TMPRSS9: variants seen among roughly 807,000 people sequenced by gnomAD.
The protein encoded by TMPRSS9 is transmembrane serine protease 9.
A neutral mutation model predicts 111.4 loss-of-function variants in TMPRSS9; 113 were observed. That is an observed-to-expected ratio of 1.01 (90% confidence interval 0.87 to 1.19). TMPRSS9 has a LOEUF of 1.19. Ranked by LOEUF, TMPRSS9 falls within the 50% of genes most tolerant of loss-of-function variation. The pLI is 0.00. For synonymous variants in TMPRSS9, 805 were observed against 659.1 expected (o/e 1.22, Z -3.39); for missense variants, 1,803 against 1,513.1 (o/e 1.19, Z -3.18).
intron 13 of TMPRSS9, among the ~76,000 whole-genome samples, chr19:2,420,639 C>T (rs1319138251): frequency 6.6e-6 from 1 of 152,142 alleles, no homozygotes; most frequent in Non-Finnish European, 1.5e-5. Context: ...GAGTTCAAAT[C>T]CTGCTTCAAC....
chr19:2,404,683 C>T (rs1970931314), intron 6 of TMPRSS9, among the ~76,000 whole-genome samples: 1 of 152,134 alleles, frequency 6.6e-6, no homozygotes, highest in Non-Finnish European at 1.5e-5. Flanking sequence ...GTAATCCCAG[C>T]ACTTTGGGAC....
chr19:2,424,896 C>G, intron 15 of TMPRSS9, 106 bp from the exon 17 acceptor site: 1 of 1,314,982 alleles, frequency 7.6e-7, no homozygotes, highest in Non-Finnish European at 9.8e-7. Context: ...GACCAAGAGG[C>G]CAATAACCCT....
chr19:2,369,194 A>G (rs116821623), intron 1 of TMPRSS9, among the ~76,000 whole-genome samples: 2,210 of 151,784 alleles, frequency 0.015, 55 homozygotes, highest in African/African-American at 0.049. Context: ...CAGGTGATCC[A>G]CCCATCTCCC....
intron 1 of TMPRSS9, among the ~76,000 whole-genome samples, chr19:2,368,816 A>C (rs1599274275): frequency 2.3e-5 from 2 of 86,004 alleles, no homozygotes; most frequent in Admixed American, 1.5e-4. Context: ...ACAGAGTCTC[A>C]CTCTGTCGCC....
At chr19:2,369,094 G>A (rs1331072357) in intron 1 of TMPRSS9, among the ~76,000 whole-genome samples, 1 of 151,668 alleles carries the variant, frequency 6.6e-6, no homozygotes, top group African/African-American at 2.4e-5. Flanking sequence ...TGGGATTACA[G>A]GCGCCCACCA....
intron 2 of TMPRSS9, 140 bp downstream of exon 3, chr19:2,396,806 GC>G: frequency 7.8e-7 from 1 of 1,279,868 alleles, no homozygotes; most frequent in Non-Finnish European, 1.1e-6. Flanking sequence ...GGGAGGCCAG[GC>G]CAGGGGGCGG....
At chr19:2,419,501 C>T (rs1288285641) in intron 13 of TMPRSS9, among the ~76,000 whole-genome samples, 3 of 146,198 alleles carry the variant, frequency 2.1e-5, no homozygotes, top group African/African-American at 5.3e-5. Flanking sequence ...TGTACCCAGC[C>T]TAGATTTCTT....
chr19:2,363,099 G>A (rs1970215100), intron 1 of TMPRSS9, among the ~76,000 whole-genome samples: 1 of 152,192 alleles, frequency 6.6e-6, no homozygotes. Context: ...CCTGCCACGC[G>A]GAATGGGAGT....
At chr19:2,397,007 G>A (rs538118065) in intron 2 of TMPRSS9, among the ~76,000 whole-genome samples, 7 of 151,498 alleles carry the variant, frequency 4.6e-5, no homozygotes, top group Admixed American at 1.3e-4. Context: ...TGCAAGCTCC[G>A]CTGCTCAGGT....
chr19:2,401,078 T>G (rs893007219), intron 4 of TMPRSS9, among the ~76,000 whole-genome samples: 18 of 145,016 alleles, frequency 1.2e-4, no homozygotes, highest in African/African-American at 4.6e-4. Flanking sequence ...ATCGAGACCA[T>G]CCTGGCTAAC....
At chr19:2,376,574 C>T (rs1043012810) in intron 1 of TMPRSS9, among the ~76,000 whole-genome samples, 5 of 152,102 alleles carry the variant, frequency 3.3e-5, no homozygotes, top group Non-Finnish European at 7.4e-5. Context: ...ATTCTTCTGC[C>T]TCAGCCTCTC....
At chr19:2,409,793 T>C (rs905366143) in intron 8 of TMPRSS9, among the ~76,000 whole-genome samples, 2 of 152,044 alleles carry the variant, frequency 1.3e-5, no homozygotes, top group African/African-American at 4.8e-5. Context: ...TGGTGCTGGC[T>C]GCCGGGTTGG....
At chr19:2,379,615 C>CTCCTTCTTTCTTTCTTTCTT (rs1970365963) in intron 1 of TMPRSS9, among the ~76,000 whole-genome samples, 1 of 118,510 alleles carries the variant, frequency 8.4e-6, no homozygotes, top group African/African-American at 3.2e-5. Context: ...AACTTTCTTT[C>CTCCTTCTTTCTTTCTTTCTT]TCTTTCTTTC....
intron 13 of TMPRSS9, among the ~76,000 whole-genome samples, chr19:2,419,359 A>G (rs1971411862): frequency 6.7e-6 from 1 of 149,942 alleles, no homozygotes; most frequent in Non-Finnish European, 1.5e-5. Context: ...GCCCGCCACC[A>G]TGCCCAGCTA....
At chr19:2,372,722 G>A (rs1296051360) in intron 1 of TMPRSS9, among the ~76,000 whole-genome samples, 2 of 152,024 alleles carry the variant, frequency 1.3e-5, no homozygotes, top group East Asian at 1.9e-4. Flanking sequence ...AGCACTAAAT[G>A]ATTTTCTTTT....
intron 17 of TMPRSS9, 190 bp from the exon 19 acceptor site, chr19:2,425,737 G>C: frequency 8.8e-7 from 1 of 1,137,200 alleles, no homozygotes; most frequent in African/African-American, 1.6e-5. Flanking sequence ...GGGAGGCACC[G>C]TTCCACTCCG....
chr19:2,373,103 G>T (rs1210791476), intron 1 of TMPRSS9, among the ~76,000 whole-genome samples: 1 of 152,144 alleles, frequency 6.6e-6, no homozygotes, highest in Non-Finnish European at 1.5e-5. Context: ...AAGGTGCTGG[G>T]ATTACAGGCA....
chr19:2,387,427 A>C (rs911641326), upstream of TMPRSS9, among the ~76,000 whole-genome samples: 2 of 152,018 alleles, frequency 1.3e-5, no homozygotes, highest in Admixed American at 6.6e-5. Flanking sequence ...CCTGGGAGGC[A>C]GAGGTTGCAG....
chr19:2,364,459 G>A (rs2145237090), intron 1 of TMPRSS9, among the ~76,000 whole-genome samples: 1 of 152,160 alleles, frequency 6.6e-6, no homozygotes, highest in Admixed American at 6.5e-5. Context: ...TGTTGATCAG[G>A]CTGGTCTTGA....
Sources: gnomAD v4.1 joint callset for allele counts (sites outside exome capture counted in the v4.1 genomes callset) on GRCh38, gnomAD v4.1.1 for gene constraint, MANE v1.5 for transcripts, NCBI Gene and HGNC (gene_info 2026-07-23, HGNC 2026-07-21) for gene names.